SLC38A8: variants seen among roughly 807,000 people sequenced by gnomAD.
SLC38A8 encodes solute carrier family 38 member 8, also known as amino acid transporter SLC38A8.
Under a neutral mutation model 46.0 loss-of-function variants are expected in SLC38A8, and 65 were observed. That is an observed-to-expected ratio of 1.41 (90% confidence interval 1.16 to 1.74). The LOEUF (loss-of-function observed/expected upper bound fraction) is 1.74. Ranked by LOEUF, SLC38A8 falls within the 40% of genes most tolerant of loss-of-function variation. The probability of loss-of-function intolerance (pLI) is 0.00; values close to 1 mark genes in which losing one functional copy is unlikely to be tolerated. For synonymous variants in SLC38A8, 447 were observed against 243.7 expected, an observed-to-expected ratio of 1.83 and a Z score of -7.77; for missense variants, 998 against 567.9, an observed-to-expected ratio of 1.76 and a Z score of -7.70.
chr16:84,011,917 T>C (rs984948821), intron 10 of SLC38A8, among the ~76,000 whole-genome samples: 5 of 152,084 alleles, frequency 3.3e-5, no homozygotes, highest in African/African-American at 4.8e-5. Context: ...GAGGGATTTC[T>C]GAGACGCAGA....
intron 3 of SLC38A8, among the ~76,000 whole-genome samples, chr16:84,036,339 A>T (rs772014094): frequency 4.6e-5 from 7 of 152,256 alleles, no homozygotes; most frequent in Non-Finnish European, 1.0e-4. Context: ...CTCGAGGCCA[A>T]GGTTGGTGAG....
intron 6 of SLC38A8, among the ~76,000 whole-genome samples, chr16:84,029,126 G>C (rs2085205351): frequency 6.6e-6 from 1 of 152,138 alleles, no homozygotes; most frequent in African/African-American, 2.4e-5. Context: ...GAGTTAGGTG[G>C]GCAGCTTAGG....
At chr16:84,018,977 C>G (rs1307035386) in intron 7 of SLC38A8, among the ~76,000 whole-genome samples, 2 of 152,050 alleles carry the variant, frequency 1.3e-5, no homozygotes, top group Non-Finnish European at 2.9e-5. Context: ...ATTTTCTCAC[C>G]CTGGTATGGG....
At chr16:84,012,370 T>A (rs983572977) in intron 10 of SLC38A8, among the ~76,000 whole-genome samples, 7 of 152,178 alleles carry the variant, frequency 4.6e-5, no homozygotes, top group African/African-American at 1.7e-4. Context: ...CGCTCGGGGA[T>A]AAATATTTGT....
At position 84,041,949 on chromosome 16, in the gene SLC38A8, C is replaced by G; in HGVS notation, c.189+20G>C. 1 of 1,555,950 alleles carries G rather than the reference C, an allele frequency of 6.4e-7. No individual in the cohort carries two copies. The highest frequency in any genetic ancestry group is 8.7e-7 in the Non-Finnish European group (1 of 1,150,290). ...AGCCACCTCGTACCCGTCCCCAGGA[C>G]TCACTTCCCGGGGACTTACCAGCTC... On this transcript the variant is annotated intron_variant, in intron 2 of 10. Transcript: ENST00000299709.
rs1223236336 is a variant in SLC38A8, at chr16:84,017,986, C to A, written c.806-699G>T. Among the ~76,000 whole-genome samples the A allele has an allele frequency of 3.3e-5, 5 of 152,138 alleles. 1 individual carries two copies. The highest frequency in any genetic ancestry group is 1.2e-4 in the African/African-American group (5 of 41,420). On this transcript the variant is annotated intron_variant, in intron 7 of 10. Coordinates refer to ENST00000299709, the MANE Select transcript of SLC38A8 (RefSeq NM_001080442.3). ...ACCTCCTCTGCTGGGGAAGGAGTCACCCAGCAAGTTTCCTGGATAACCACA... is the reference window on the plus strand; with the variant it reads ...ACCTCCTCTGCTGGGGAAGGAGTCAACCAGCAAGTTTCCTGGATAACCACA...
chr16:84,028,408 C>A (rs548009369), intron 6 of SLC38A8, among the ~76,000 whole-genome samples: 2 of 151,750 alleles, frequency 1.3e-5, no homozygotes, highest in African/African-American at 4.8e-5. Flanking sequence ...TAGTGAAACT[C>A]CCTCTGTACT....
rs372266076 is a variant in SLC38A8 at position 84,009,802 on chromosome 16, C to G, written c.1290G>C (p.Ala430=). Residue 430 remains alanine, a synonymous_variant, in exon 11 of 11, where the codon GCG becomes GCC. Transcript: ENST00000299709. ...CTGCCCATCAGAACATCTCCCAGACCGCTGCCGCCGTGCTCTGCCCAAAGA... is the reference window on the plus strand; with the variant it reads ...CTGCCCATCAGAACATCTCCCAGACGGCTGCCGCCGTGCTCTGCCCAAAGA... The part of the protein sequence containing the change: ...TFIFGQSTAA[A]VWEMF 1.9e-6 allele frequency: 3 copies of G among 1,613,868 alleles called. No homozygotes were observed. Among genetic ancestry groups the G allele is most frequent in the Middle Eastern group, 1.6e-4 (1 of 6,084 alleles).
At chr16:84,031,734 C>T (rs11865522) in intron 5 of SLC38A8, 133 bp downstream of exon 5, 94,667 of 741,208 alleles carry the variant, frequency 0.13, 7,111 homozygotes, top group East Asian at 0.27. Flanking sequence ...GCATCAGAGA[C>T]GGAAAGAACT....
chr16:84,040,184 ACAGTGACATCACTC>A (rs2085352401), intron 2 of SLC38A8, among the ~76,000 whole-genome samples: 1 of 152,126 alleles, frequency 6.6e-6, no homozygotes, highest in South Asian at 2.1e-4. Flanking sequence ...TCCATCATTC[ACAGTGACATCACTC>A]CAGCCCCAAC....
At chr16:84,016,498 C>A (rs1201839503) in intron 9 of SLC38A8, 21 bp downstream of exon 9, 3 of 1,610,250 alleles carry the variant, frequency 1.9e-6, no homozygotes, top group Non-Finnish European at 2.5e-6. Flanking sequence ...GGGCAGAAAG[C>A]CTGGAAAGCA....
At chr16:84,026,086 A>G (rs567280418) in intron 6 of SLC38A8, among the ~76,000 whole-genome samples, 63 of 152,376 alleles carry the variant, frequency 4.1e-4, no homozygotes, top group African/African-American at 1.3e-3. Context: ...CGAGGTGGGG[A>G]GTCCCCGAAC....
intron 9 of SLC38A8, among the ~76,000 whole-genome samples, chr16:84,013,420 GTGTGTTTT>G (rs1342781331): frequency 8.5e-5 from 8 of 94,638 alleles, no homozygotes; most frequent in African/African-American, 5.3e-4. Flanking sequence ...TTTGTTGTGT[GTGTGTTTT>G]TTTTTTTTTT....
Position 84,042,532 on chromosome 16 carries a change from C to T in SLC38A8, c.-3+19G>A, listed in dbSNP as rs1391529370. The T allele has an allele frequency of 5.8e-6, 1 of 172,088 alleles. No homozygotes were observed. The highest frequency in any genetic ancestry group is 1.2e-5 in the Non-Finnish European group (1 of 80,636). The allele number at this position is 172,088 out of a possible 1,614,324, so 10.7% of individuals were successfully genotyped here. A position where few individuals can be genotyped will look rare whatever the true frequency, so the allele number is the denominator to read the frequency against. On this transcript the variant is annotated intron_variant, in intron 1 of 10. Coordinates refer to ENST00000299709, the MANE Select transcript of SLC38A8 (RefSeq NM_001080442.3). ...AGCCAAACTTCTGTACAAACAGACC[C>T]CCAGTTCCTGGTCCTTACCACCAAA...
intron 10 of SLC38A8, among the ~76,000 whole-genome samples, chr16:84,010,158 C>A (rs1012412169): frequency 1.3e-5 from 2 of 149,674 alleles, no homozygotes; most frequent in Non-Finnish European, 3.0e-5. Flanking sequence ...GCAGCCTCCA[C>A]CTCCCGGGTT....
At chr16:84,017,066 C>G (rs746914189) in intron 8 of SLC38A8, 74 bp downstream of exon 8, 454 of 1,577,602 alleles carry the variant, frequency 2.9e-4, no homozygotes, top group Non-Finnish European at 3.6e-4. Context: ...GTAGCCCACA[C>G]CTGGTACATG....
At chr16:84,012,013 G>C (rs945208900) in intron 10 of SLC38A8, among the ~76,000 whole-genome samples, 1 of 152,168 alleles carries the variant, frequency 6.6e-6, no homozygotes, top group African/African-American at 2.4e-5. Flanking sequence ...GCCACCAGAA[G>C]CTGAGGCGCC....
At chr16:84,012,251 C>T (rs779503080) in intron 10 of SLC38A8, among the ~76,000 whole-genome samples, 1 of 152,218 alleles carries the variant, frequency 6.6e-6, no homozygotes, top group Non-Finnish European at 1.5e-5. Flanking sequence ...TACCCAGGGG[C>T]GGCTGAGGAA....
rs372130068 is a variant in SLC38A8, at chr16:84,013,068, G to T, written c.1163-16C>A. Reference sequence around the variant, plus strand: ...AGGCACAAACCTGCAAAAAAGACAGGGTCACCCACAGTTCTTCGTTATCAA... The same window carrying T: ...AGGCACAAACCTGCAAAAAAGACAGTGTCACCCACAGTTCTTCGTTATCAA... On this transcript the variant is annotated splice_polypyrimidine_tract_variant and intron_variant, in intron 9 of 10. Transcript: ENST00000299709. 3 of 1,613,732 alleles carry T rather than the reference G, an allele frequency of 1.9e-6. No homozygotes were observed. The highest frequency in any genetic ancestry group is 2.5e-6 in the Non-Finnish European group (3 of 1,179,856).
Sources: allele counts gnomAD v4.1 joint callset (sites outside exome capture counted in the v4.1 genomes callset), GRCh38; gene constraint gnomAD v4.1.1; transcripts MANE v1.5; gene names NCBI Gene and HGNC (gene_info 2026-07-23, HGNC 2026-07-21).